The following RELN variants were observed in gnomAD, a reference collection of about 807,000 sequenced individuals.
RELN encodes the protein reelin.
A neutral mutation model predicts 427.6 loss-of-function variants in RELN; 108 were observed. The ratio of observed to expected loss-of-function variants is 0.25; its 90% CI spans 0.22 to 0.30. The LOEUF is 0.30. Ranked by LOEUF, RELN falls within the 10% of genes least tolerant of loss-of-function variation. The pLI is 1.00. For missense variants in RELN, 3,715 were observed against 4,302.8 expected, an observed-to-expected ratio of 0.86 and a Z score of 3.82; for synonymous variants, 1,524 against 1,513.4, an observed-to-expected ratio of 1.01 and a Z score of -0.16.
chr7:103,532,017 A>T (rs571494786), intron 46 of RELN, among the ~76,000 whole-genome samples: 1 of 152,218 alleles, frequency 6.6e-6, no homozygotes, highest in Non-Finnish European at 1.5e-5. Flanking sequence ...AGTATTCACA[A>T]TAACAAAGAC....
At chr7:103,633,040 T>G (rs567249272) in intron 19 of RELN, among the ~76,000 whole-genome samples, 2 of 152,226 alleles carry the variant, frequency 1.3e-5, no homozygotes, top group Admixed American at 1.3e-4. Flanking sequence ...GACATTCTAG[T>G]CAGTTTGAAT....
chr7:103,819,750 CAA>C lies in RELN; in HGVS notation c.473+13785_473+13786del, dbSNP rs1306144373. Among the ~76,000 whole-genome samples, 3 of 151,708 alleles carry C rather than the reference CAA, an allele frequency of 2.0e-5. No homozygotes were observed. In the East Asian group the frequency reaches 5.8e-4, roughly 29 times the overall value. On this transcript the variant is annotated intron_variant, in intron 3 of 64. Transcript: ENST00000428762. ...TTCAAATAATGAAATATTTGAGAAA[CAA>C]AATATAACATTTAAAAATCAGGAAT...
chr7:103,629,826 C>T, intron 20 of RELN, 114 bp downstream of exon 20: 1 of 792,744 alleles, frequency 1.3e-6, no homozygotes, highest in Non-Finnish European at 2.3e-6. Context: ...TCAAGTAGTT[C>T]CTATTTAGTA....
intron 2 of RELN, among the ~76,000 whole-genome samples, chr7:103,900,136 C>G (rs1795051730): frequency 6.6e-6 from 1 of 152,142 alleles, no homozygotes; most frequent in East Asian, 1.9e-4. Flanking sequence ...AAATCACAAG[C>G]ATTTCTATAA....
At chr7:103,562,251 T>A (rs967682042) in intron 34 of RELN, among the ~76,000 whole-genome samples, 10 of 152,246 alleles carry the variant, frequency 6.6e-5, no homozygotes, top group Non-Finnish European at 4.4e-5. Context: ...ACTTGTTTTG[T>A]TTTTGAAATA....
chr7:103,891,489 G>C (rs548748370), intron 2 of RELN, among the ~76,000 whole-genome samples: 2 of 152,080 alleles, frequency 1.3e-5, no homozygotes, highest in East Asian at 3.9e-4. Context: ...TACTATAATA[G>C]TGAGCATGTT....
chr7:103,692,833 A>T (rs1833899977), intron 10 of RELN, among the ~76,000 whole-genome samples: 1 of 151,978 alleles, frequency 6.6e-6, no homozygotes, highest in Non-Finnish European at 1.5e-5. Flanking sequence ...GTTCAACTTA[A>T]TGGTTCCACT....
intron 49 of RELN, among the ~76,000 whole-genome samples, chr7:103,517,173 G>T (rs1229591153): frequency 1.3e-5 from 2 of 149,674 alleles, no homozygotes; most frequent in Non-Finnish European, 3.0e-5. Context: ...TGTCTTCCCT[G>T]CACCTTTTTT....
At chr7:103,504,927 C>A (rs955352698) in intron 51 of RELN, among the ~76,000 whole-genome samples, 1 of 152,116 alleles carries the variant, frequency 6.6e-6, no homozygotes, top group Non-Finnish European at 1.5e-5. Context: ...CTTGAGTAGG[C>A]GGTTTTCCCT....
intron 6 of RELN, among the ~76,000 whole-genome samples, chr7:103,736,251 C>G (rs1447527604): frequency 6.6e-6 from 1 of 152,152 alleles, no homozygotes; most frequent in Admixed American, 6.5e-5. Flanking sequence ...TACAATATAG[C>G]TGTTTTATAA....
At chr7:103,765,847 T>G (rs1791413909) in intron 4 of RELN, among the ~76,000 whole-genome samples, 1 of 152,206 alleles carries the variant, frequency 6.6e-6, no homozygotes, top group Non-Finnish European at 1.5e-5. Flanking sequence ...CAAGTGGGAA[T>G]GTATATAGCC....
intron 10 of RELN, among the ~76,000 whole-genome samples, chr7:103,683,560 T>C (rs527353430): frequency 6.6e-6 from 1 of 152,294 alleles, no homozygotes; most frequent in South Asian, 2.1e-4. Context: ...AGTGATGTCA[T>C]AGTTATCATA....
intron 4 of RELN, among the ~76,000 whole-genome samples, chr7:103,773,438 T>TCTCTCTCCCTCGCTCCCTCC (rs1791655128): frequency 7.3e-6 from 1 of 136,946 alleles, no homozygotes; most frequent in Non-Finnish European, 1.6e-5. Flanking sequence ...TCTCTCTCTC[T>TCTCTCTCCCTCGCTCCCTCC]CTCTCTCCCT....
chr7:103,741,020 C>T (rs1790639767), intron 6 of RELN, among the ~76,000 whole-genome samples: 1 of 152,164 alleles, frequency 6.6e-6, no homozygotes, highest in Non-Finnish European at 1.5e-5. Context: ...ATGTTTGCCA[C>T]AAGGATTCCC....
intron 4 of RELN, among the ~76,000 whole-genome samples, chr7:103,773,106 TTC>T (rs1491188875): frequency 8.3e-5 from 3 of 35,966 alleles, no homozygotes; most frequent in African/African-American, 2.5e-4. Context: ...CCTCTTTTCT[TTC>T]TTTCTTTCTT....
intron 4 of RELN, among the ~76,000 whole-genome samples, chr7:103,770,654 A>AC (rs1554416062): frequency 9.0e-6 from 1 of 110,874 alleles, no homozygotes; most frequent in African/African-American, 4.4e-5. Context: ...TTTTTTAAAA[A>AC]TTTTTTTTTT....
chr7:103,847,412 G>T (rs1793706953), intron 2 of RELN, among the ~76,000 whole-genome samples: 1 of 152,172 alleles, frequency 6.6e-6, no homozygotes, highest in Non-Finnish European at 1.5e-5. Flanking sequence ...ACCAGGGCCT[G>T]CCAGAGGGTG....
chr7:103,959,592 A>G lies in RELN; in HGVS notation c.226+29539T>C, dbSNP rs149545447. Among the ~76,000 whole-genome samples the G allele has an allele frequency of 3.4e-3, 519 of 151,230 alleles. 3 individuals carry two copies. The highest frequency in any genetic ancestry group is 0.012 in the African/African-American group (504 of 41,420). On this transcript the variant is annotated intron_variant, in intron 1 of 64. Coordinates refer to ENST00000428762, the MANE Select transcript of RELN (RefSeq NM_005045.4). ...GCTCAAGTCAGAACTCTTGAAGCCA[A>G]CCTGACTCCTCTCTCTCTCTCTTTT...
chr7:103,787,878 CA>C (rs771466765), intron 3 of RELN, among the ~76,000 whole-genome samples: 1 of 151,922 alleles, frequency 6.6e-6, no homozygotes, highest in Non-Finnish European at 1.5e-5. Context: ...AGAGACACAA[CA>C]AAAAAAGAAA....
Sources: allele counts gnomAD v4.1 joint callset (sites outside exome capture counted in the v4.1 genomes callset), GRCh38; gene constraint gnomAD v4.1.1; transcripts MANE v1.5; gene names NCBI Gene and HGNC (gene_info 2026-07-23, HGNC 2026-07-21).